Variants in MYT1 observed in about 807,000 individuals in gnomAD.
The protein encoded by MYT1 is myelin transcription factor 1, also known as myelin transcription factor I.
In MYT1, 23 loss-of-function variants were observed where a neutral mutation model predicts 123.0. The ratio of observed to expected loss-of-function variants is 0.19; its 90% CI spans 0.13 to 0.26. MYT1 has a LOEUF of 0.26. Among genes scored for constraint, MYT1 ranks in the 10% least tolerant of loss-of-function variants. MYT1 has a pLI of 1.00. For missense variants in MYT1, 1,125 were observed against 1,472.5 expected (o/e 0.76, Z 3.86); for synonymous variants, 518 against 575.3 (o/e 0.90, Z 1.43).
intron 1 of MYT1, among the ~76,000 whole-genome samples, chr20:64,171,499 C>T (rs553232500): frequency 3.9e-4 from 60 of 152,324 alleles, no homozygotes; most frequent in African/African-American, 1.2e-3. Context: ...ATCGCACATG[C>T]GGCTTCTAAG....
intron 1 of MYT1, among the ~76,000 whole-genome samples, chr20:64,183,176 C>G (rs932389072): frequency 6.6e-6 from 1 of 152,200 alleles, no homozygotes; most frequent in Non-Finnish European, 1.5e-5. Flanking sequence ...TCACTGAACA[C>G]GAAGTTTTTG....
intron 16 of MYT1, among the ~76,000 whole-genome samples, chr20:64,223,600 T>A (rs1195867901): frequency 6.6e-6 from 1 of 151,580 alleles, no homozygotes; most frequent in Non-Finnish European, 1.5e-5. Context: ...GGGCTAGGGG[T>A]CGCTGCAGGC....
rs61133251 is a variant in MYT1 at position 64,227,680 on chromosome 20, G to A, written c.2591+203G>A. On this transcript the variant is annotated intron_variant, in intron 17 of 22. Transcript: ENST00000328439. ...GACAAGGGGTCAGGGCTAGGGGCTCGTGGTAATGCTTCTCCTTCCCGACCC... is the reference window on the plus strand; with the variant it reads ...GACAAGGGGTCAGGGCTAGGGGCTCATGGTAATGCTTCTCCTTCCCGACCC... Among the ~76,000 whole-genome samples, 319 of 152,294 alleles carry A rather than the reference G, an allele frequency of 2.1e-3. 4 individuals are homozygous for A. The highest frequency in any genetic ancestry group is 7.4e-3 in the African/African-American group (307 of 41,554).
In MYT1 at chr20:64,186,397, T is replaced by C. The variant is rs1166301650; in HGVS notation, c.-98-3666T>C. Among the ~76,000 whole-genome samples, 1 of 152,146 alleles carries C rather than the reference T, an allele frequency of 6.6e-6. No homozygotes were observed. Among genetic ancestry groups the C allele is most frequent in the African/African-American group, 2.4e-5 (1 of 41,422 alleles). ...TCCACGAGCAGGGATTCAGATTAAC[T>C]CACTAGAAACTCAATAACCCAAGAG... On this transcript the variant is annotated intron_variant, in intron 1 of 22. Coordinates refer to ENST00000328439, the MANE Select transcript of MYT1 (RefSeq NM_004535.3). The surrounding 1 kb of genome is among the most constrained non-coding windows in gnomAD (Gnocchi z 4.3).
intron 1 of MYT1, among the ~76,000 whole-genome samples, chr20:64,187,080 C>T (rs1200758366): frequency 2.5e-4 from 34 of 134,032 alleles, no homozygotes; most frequent in South Asian, 1.3e-3. Flanking sequence ...TCCTGTAGCC[C>T]GTGGCCCCGG....
chr20:64,200,062 T>C, intron 4 of MYT1, 140 bp downstream of exon 4: 1 of 971,068 alleles, frequency 1.0e-6, no homozygotes, highest in Non-Finnish European at 1.6e-6. Flanking sequence ...GAGACTGCCT[T>C]TCTCCTGGCC....
At chr20:64,181,403 G>T (rs949613534) in intron 1 of MYT1, among the ~76,000 whole-genome samples, 1 of 151,786 alleles carries the variant, frequency 6.6e-6, no homozygotes. Context: ...CTATCTCTTC[G>T]TCCTTTTGTT....
At chr20:64,235,774 C>CCTGGGATGGCTGTGGTGGGTGACA (rs1984509978) in intron 19 of MYT1, among the ~76,000 whole-genome samples, 3 of 94,272 alleles carry the variant, frequency 3.2e-5, no homozygotes, top group African/African-American at 6.0e-5. Context: ...GGTGGGTGAC[C>CCTGGGATGGCTGTGGTGGGTGACA]CTGGGATGGC....
chr20:64,210,862 C>T (rs543749414), intron 7 of MYT1, among the ~76,000 whole-genome samples: 1 of 152,274 alleles, frequency 6.6e-6, no homozygotes, highest in Non-Finnish European at 1.5e-5. Context: ...TGCCAAACGC[C>T]TTGACCTCTC....
At chr20:64,221,577 C>T (rs2015810) in intron 13 of MYT1, among the ~76,000 whole-genome samples, 74,491 of 152,112 alleles carry the variant, frequency 0.49, 20,294 homozygotes, top group African/African-American at 0.72. Flanking sequence ...CTGATGTTTA[C>T]GCTGCGGAGT....
intron 1 of MYT1, among the ~76,000 whole-genome samples, chr20:64,182,347 C>T (rs1306466852): frequency 6.6e-6 from 1 of 152,240 alleles, no homozygotes; most frequent in Non-Finnish European, 1.5e-5. Flanking sequence ...TACGCACGCA[C>T]AGGCAGAATG....
chr20:64,205,813 T>C lies in MYT1; in HGVS notation c.397+13T>C, dbSNP rs1983475354. 3.1e-6 allele frequency: 5 copies of C among 1,611,780 alleles called. No individual in the cohort carries two copies. The African/African-American group carries it at 4.0e-5, about 13-fold the overall frequency. On this transcript the variant is annotated intron_variant, in intron 6 of 22. Coordinates refer to ENST00000328439, the MANE Select transcript of MYT1 (RefSeq NM_004535.3). The stretch of plus-strand genomic sequence containing the variant: ...GAGACAGCTGAAGGTGCTTTGTCGC[T>C]CTTTCTTCCCCGAATAAAGGGCGCT...
rs762958767 is a variant in MYT1 at position 64,199,879 on chromosome 20, G to T, written c.56-13G>T. 6.2e-7 allele frequency: 1 copy of T among 1,613,878 alleles called. No homozygotes were observed. Among genetic ancestry groups the T allele is most frequent in the Non-Finnish European group, 8.5e-7 (1 of 1,179,756 alleles). ...ATTCCCACATGTTTTCCCTGTTTCT[G>T]TCTTTTTCCCAGGACCCCCAGAGAC... On this transcript the variant is annotated splice_polypyrimidine_tract_variant and intron_variant, in intron 3 of 22. Coordinates refer to ENST00000328439, the MANE Select transcript of MYT1 (RefSeq NM_004535.3).
In MYT1 at chr20:64,208,373, C is replaced by T. The variant is rs201966317; in HGVS notation, c.1177C>T (p.Arg393Cys). 66 of 1,613,704 alleles carry T rather than the reference C, an allele frequency of 4.1e-5. No individual in the cohort carries two copies. In the Admixed American group the frequency reaches 4.8e-4, roughly 12 times the overall value. Residue 393 changes from arginine (R) to cysteine (C), a missense_variant, in exon 7 of 23, where the codon CGC becomes TGC. Arg to Cys is a radical substitution (Grantham distance 180). This residue lies in a region of MYT1 where 429 missense variants were observed against 604.1 expected (regional missense o/e 0.71). Transcript: ENST00000328439. This position sits in a 1 kb window ranked among gnomAD's most constrained non-coding sequence, Gnocchi z 5.4. ...QAIALKAEQV[R>C]TVCEPGCPPA... ...CATCGCCCTGAAGGCTGAACAGGTG[C>T]GCACAGTCTGCGAGCCGGGCTGCCC...
rs376102742 is a variant in MYT1 at position 64,196,261 on chromosome 20, G to T, written c.1-2601G>T. On this transcript the variant is annotated intron_variant, in intron 2 of 22. Transcript: ENST00000328439. This position sits in a 1 kb window ranked among gnomAD's most constrained non-coding sequence, Gnocchi z 4.3. ...GCCCAGCTGTCATTGTGTGGTGGGG[G>T]CAGAAGGTCTGGGGGGCTGCCGTCC... Among the ~76,000 whole-genome samples the T allele has an allele frequency of 6.6e-6, 1 of 152,174 alleles. No homozygotes were observed. The highest frequency in any genetic ancestry group is 2.4e-5 in the African/African-American group (1 of 41,436).
intron 16 of MYT1, among the ~76,000 whole-genome samples, chr20:64,223,840 A>G (rs936927662): frequency 6.6e-6 from 1 of 152,018 alleles, no homozygotes; most frequent in Non-Finnish European, 1.5e-5. Context: ...CTCTCCTGTC[A>G]CGCTCCAGCT....
chr20:64,179,248 C>T (rs1272087036), intron 1 of MYT1, among the ~76,000 whole-genome samples: 5 of 152,064 alleles, frequency 3.3e-5, no homozygotes, highest in Non-Finnish European at 5.9e-5. Flanking sequence ...AACGTGGGAG[C>T]ACTGAGCCGT....
chr20:64,239,728 C>T, intron 21 of MYT1, 32 bp from the exon 22 acceptor site: 1 of 1,612,522 alleles, frequency 6.2e-7, no homozygotes, highest in Non-Finnish European at 8.5e-7. Context: ...GGGCCAAGGG[C>T]AGGCGGCACT....
rs144837780 is a variant in MYT1 at position 64,219,820 on chromosome 20, C to T, written c.2079C>T (p.Pro693=). ...GCAGCAGCAGCTGCAGCAGCAGCCC[C>T]GGTGTGAAGTCTCCCGACGCCTCCC... ...FPSSSSCSSS[P]GVKSPDASQR... is the part of the protein sequence containing the mutation. Residue 693 remains proline, a synonymous_variant, in exon 13 of 23, where the codon CCC becomes CCT. Coordinates refer to ENST00000328439, the MANE Select transcript of MYT1 (RefSeq NM_004535.3). 8.6e-4 allele frequency: 1,391 copies of T among 1,613,478 alleles called. No individual in the cohort carries two copies. Among genetic ancestry groups the T allele is most frequent in the Non-Finnish European group, 1.1e-3 (1,275 of 1,179,818 alleles).
Sources: gnomAD v4.1 joint callset for allele counts (sites outside exome capture counted in the v4.1 genomes callset) on GRCh38, gnomAD v4.1.1 for gene constraint, gnomAD v4.1.1 regional missense constraint, Gnocchi (gnomAD v3.1) non-coding constraint, MANE v1.5 for transcripts, NCBI Gene and HGNC (gene_info 2026-07-23, HGNC 2026-07-21) for gene names.